PAPPA2: variants seen among roughly 807,000 people sequenced by gnomAD.
PAPPA2 encodes the protein pappalysin 2, also known as pappalysin-2.
PAPPA2 carries 86 observed loss-of-function variants against 176.4 expected under a neutral mutation model. The ratio of observed to expected loss-of-function variants is 0.49; its 90% CI spans 0.41 to 0.58. The LOEUF (loss-of-function observed/expected upper bound fraction) is 0.58, where lower values mean the gene tolerates loss of function less well. Ranked by LOEUF, PAPPA2 falls within the 20% of genes least tolerant of loss-of-function variation. The pLI, the probability that PAPPA2 is intolerant of heterozygous loss-of-function variation, is 0.00. For missense variants in PAPPA2, 2,073 were observed against 2,256.9 expected, an observed-to-expected ratio of 0.92 and a Z score of 1.65; for synonymous variants, 809 against 852.2, an observed-to-expected ratio of 0.95 and a Z score of 0.88.
intron 3 of PAPPA2, among the ~76,000 whole-genome samples, chr1:176,611,772 A>G (rs1011775367): frequency 6.6e-6 from 1 of 152,182 alleles, no homozygotes; most frequent in African/African-American, 2.4e-5. Context: ...TGTGGCCAAT[A>G]TTATAATAAA....
intron 2 of PAPPA2, among the ~76,000 whole-genome samples, chr1:176,579,971 A>G (rs950769629): frequency 6.6e-6 from 1 of 152,202 alleles, no homozygotes; most frequent in Admixed American, 6.5e-5. Context: ...AGTAATTAGC[A>G]TTTCCTTCAT....
At chr1:176,613,204 C>T (rs1296352596) in intron 3 of PAPPA2, among the ~76,000 whole-genome samples, 1 of 152,124 alleles carries the variant, frequency 6.6e-6, no homozygotes, top group Non-Finnish European at 1.5e-5. Flanking sequence ...ACTCCATTTC[C>T]TTCTTTCACA....
At chr1:176,822,745 T>A (rs895764119) in intron 21 of PAPPA2, among the ~76,000 whole-genome samples, 3 of 152,192 alleles carry the variant, frequency 2.0e-5, no homozygotes, top group Non-Finnish European at 4.4e-5. Flanking sequence ...TTAACTTCAG[T>A]CTTAGAAGGC....
At position 176,801,117 on chromosome 1, in the gene PAPPA2, A is replaced by G. The variant is rs1207337172; in HGVS notation, c.5202+985A>G. Reference sequence around the variant, plus strand: ...CACACACACACACGCACACACACACACACACACCATTTAAGCCCTCCCAAC... The same window carrying G: ...CACACACACACACGCACACACACACGCACACACCATTTAAGCCCTCCCAAC... On this transcript the variant is annotated intron_variant, in intron 21 of 22. Transcript: ENST00000367662. Among the ~76,000 whole-genome samples the G allele has an allele frequency of 2.7e-5, 4 of 150,644 alleles. No individual in the cohort carries two copies. The East Asian group carries it at 7.7e-4, about 29-fold the overall frequency.
Position 176,594,994 on chromosome 1 carries a change from AAC to A in PAPPA2, c.1394_1395del (p.Thr465ArgfsTer6). ...CCTGACAGCGAGCTTTGAGCCTGTG[AAC>A]ACAGAGTGGGTTCCCTTTAGAGATG... ...LVLTASFEPV[N>X]TEWVPFRDEK... On this transcript the variant is annotated frameshift_variant, in exon 3 of 23. Coordinates refer to ENST00000367662, the MANE Select transcript of PAPPA2 (RefSeq NM_020318.3). LOFTEE classifies it high-confidence loss of function. 1 of 1,614,176 alleles carries A rather than the reference AAC, an allele frequency of 6.2e-7. No homozygotes were observed. The highest frequency in any genetic ancestry group is 8.5e-7 in the Non-Finnish European group (1 of 1,180,030).
intron 12 of PAPPA2, among the ~76,000 whole-genome samples, chr1:176,718,638 A>C (rs560822487): frequency 1.4e-5 from 2 of 147,934 alleles, no homozygotes; most frequent in Non-Finnish European, 3.0e-5. Context: ...TTCTTTTTTT[A>C]CTCCTGAGTT....
chr1:176,664,815 T>G (rs1396922306), intron 3 of PAPPA2, among the ~76,000 whole-genome samples: 1 of 152,240 alleles, frequency 6.6e-6, no homozygotes, highest in East Asian at 1.9e-4. Flanking sequence ...GTATAATGTC[T>G]TGTCAGGTTT....
At chr1:176,497,996 GT>G (rs1647723943) in intron 1 of PAPPA2, among the ~76,000 whole-genome samples, 1 of 152,168 alleles carries the variant, frequency 6.6e-6, no homozygotes. Context: ...AAGGTAATAA[GT>G]TTCAGTTCCT....
intron 12 of PAPPA2, among the ~76,000 whole-genome samples, chr1:176,714,015 C>T (rs913348087): frequency 1.3e-5 from 2 of 152,114 alleles, no homozygotes; most frequent in Non-Finnish European, 2.9e-5. Context: ...ACTCCCTTGA[C>T]CATAAGGATC....
At chr1:176,805,246 C>G (rs1229492781) in intron 21 of PAPPA2, among the ~76,000 whole-genome samples, 1 of 152,080 alleles carries the variant, frequency 6.6e-6, no homozygotes, top group Non-Finnish European at 1.5e-5. Flanking sequence ...TTATAGTCTC[C>G]TTTTACATAG....
chr1:176,546,167 G>T (rs1445343141), intron 1 of PAPPA2, among the ~76,000 whole-genome samples: 1 of 152,136 alleles, frequency 6.6e-6, no homozygotes, highest in African/African-American at 2.4e-5. Flanking sequence ...TTTGTCTAGG[G>T]CTGCTTCCTG....
intron 14 of PAPPA2, among the ~76,000 whole-genome samples, chr1:176,757,658 G>C (rs964068226): frequency 6.6e-6 from 1 of 152,150 alleles, no homozygotes; most frequent in Non-Finnish European, 1.5e-5. Context: ...TAGGTTGCCT[G>C]TTCACTCTGA....
chr1:176,642,087 A>G (rs1478711730), intron 3 of PAPPA2, among the ~76,000 whole-genome samples: 1 of 151,952 alleles, frequency 6.6e-6, no homozygotes, highest in Non-Finnish European at 1.5e-5. Flanking sequence ...GTGAAAGATA[A>G]CATTCTAGTT....
chr1:176,744,189 T>C (rs1429241932), intron 14 of PAPPA2, among the ~76,000 whole-genome samples: 1 of 152,232 alleles, frequency 6.6e-6, no homozygotes, highest in Non-Finnish European at 1.5e-5. Context: ...ATCATACATC[T>C]TGCCAATCCT....
chr1:176,620,440 C>T (rs976562405), intron 3 of PAPPA2, among the ~76,000 whole-genome samples: 5 of 152,084 alleles, frequency 3.3e-5, no homozygotes, highest in African/African-American at 1.2e-4. Context: ...TTCTGAGTTT[C>T]CTTTTTCAAA....
At chr1:176,837,344 C>T (rs776000887) in intron 21 of PAPPA2, among the ~76,000 whole-genome samples, 1 of 151,918 alleles carries the variant, frequency 6.6e-6, no homozygotes, top group East Asian at 1.9e-4. Context: ...AAACATAAAT[C>T]ATCTCTGAGG....
At position 176,702,699 on chromosome 1, in the gene PAPPA2, A is replaced by T; in HGVS notation, c.3329A>T (p.His1110Leu). Residue 1110 changes from histidine (H) to leucine (L), a missense_variant, in exon 9 of 23, where the codon CAT (histidine) becomes CTT (leucine). His to Leu is a moderately conservative substitution (Grantham distance 99). This residue lies in a region of PAPPA2 where 846 missense variants were observed against 857.9 expected (regional missense o/e 0.99). Coordinates refer to ENST00000367662, the MANE Select transcript of PAPPA2 (RefSeq NM_020318.3). ...GCTTCGCCTCCTCTGAACCACATTC[A>T]TGGAGCTCCTTATTGTGGAGATGGG... ...GEASPPLNHI[H>L]GAPYCGDGKV... is the part of the protein sequence containing the mutation. The T allele has an allele frequency of 6.3e-7, 1 of 1,594,476 alleles. No individual in the cohort carries two copies.
At chr1:176,497,179 ATCT>A (rs1301035412) in intron 1 of PAPPA2, among the ~76,000 whole-genome samples, 1 of 152,184 alleles carries the variant, frequency 6.6e-6, no homozygotes, top group Non-Finnish European at 1.5e-5. Flanking sequence ...TTCACGTGTT[ATCT>A]TCTACTTCTT....
chr1:176,562,817 C>T (rs1386612394), intron 2 of PAPPA2, among the ~76,000 whole-genome samples: 2 of 152,108 alleles, frequency 1.3e-5, no homozygotes, highest in African/African-American at 4.8e-5. Flanking sequence ...GCTATATGGC[C>T]CTCAAGAAGA....
Sources: gnomAD v4.1 joint callset for allele counts (sites outside exome capture counted in the v4.1 genomes callset) on GRCh38, gnomAD v4.1.1 for gene constraint, gnomAD v4.1.1 regional missense constraint, MANE v1.5 for transcripts, NCBI Gene and HGNC (gene_info 2026-07-23, HGNC 2026-07-21) for gene names.